The following SMARCAL1 variants were observed in gnomAD, a reference collection of about 807,000 sequenced individuals.
The protein encoded by SMARCAL1 is SNF2 related chromatin remodeling annealing helicase 1, also known as ATP-driven annealing helicase.
In SMARCAL1, 58 loss-of-function variants were observed where a neutral mutation model predicts 94.5. The ratio of observed to expected loss-of-function variants is 0.61; its 90% confidence interval spans 0.50 to 0.76. SMARCAL1 has a LOEUF of 0.76. Among genes scored for constraint, SMARCAL1 ranks in the 30% least tolerant of loss-of-function variants. The pLI, the probability that SMARCAL1 is intolerant of heterozygous loss-of-function variation, is 0.00. For synonymous variants in SMARCAL1, 422 were observed against 455.1 expected, an observed-to-expected ratio of 0.93 and a Z score of 0.93; for missense variants, 1,051 against 1,177.9, an observed-to-expected ratio of 0.89 and a Z score of 1.58.
At chr2:216,467,079 C>T (rs1385387110) in intron 13 of SMARCAL1, among the ~76,000 whole-genome samples, 2 of 152,178 alleles carry the variant, frequency 1.3e-5, no homozygotes, top group African/African-American at 4.8e-5. Context: ...CAGGGAGCTA[C>T]CAGGGGAGGG....
intron 10 of SMARCAL1, 73 bp from the exon 11 acceptor site, chr2:216,446,945 C>A (rs1694328531): frequency 6.3e-7 from 1 of 1,590,260 alleles, no homozygotes; most frequent in Admixed American, 1.7e-5. Flanking sequence ...GCTCCTCCCT[C>A]ACTGGGGCAT....
chr2:216,462,312 C>T (rs1422816096), intron 12 of SMARCAL1, among the ~76,000 whole-genome samples: 2 of 152,026 alleles, frequency 1.3e-5, no homozygotes, highest in Non-Finnish European at 2.9e-5. Context: ...CTGAAGGACA[C>T]GAGTAAAACT....
intron 14 of SMARCAL1, among the ~76,000 whole-genome samples, chr2:216,473,966 A>G (rs900656017): frequency 1.3e-5 from 2 of 152,128 alleles, no homozygotes; most frequent in Non-Finnish European, 2.9e-5. Context: ...ATGGATGGTG[A>G]AACTATGGTA....
At position 216,416,313 on chromosome 2, in the gene SMARCAL1, T is replaced by C. The variant is rs1357988684; in HGVS notation, c.862+6T>C. 1 of 1,611,280 alleles carries C rather than the reference T, an allele frequency of 6.2e-7. No homozygotes were observed. The highest frequency in any genetic ancestry group is 8.5e-7 in the Non-Finnish European group (1 of 1,177,642). On this transcript the variant is annotated splice_donor_region_variant and intron_variant, in intron 4 of 17. Coordinates refer to ENST00000357276, the MANE Select transcript of SMARCAL1 (RefSeq NM_014140.4). ...GAATGACTATAGTGCCCTGAGTAAGTAGACACATGGTTGTCTCATGGAGGG... is the reference window on the plus strand; with the variant it reads ...GAATGACTATAGTGCCCTGAGTAAGCAGACACATGGTTGTCTCATGGAGGG...
At position 216,482,873 on chromosome 2, in the gene SMARCAL1, A is replaced by T; in HGVS notation, c.2761A>T (p.Asn921Tyr). ...AGGAACATCTGGAAGTAGTTCCCAG[A>T]ACATGGGAGACACCCTGGATGAAAG... ...ASGTSGSSSQ[N>Y]MGDTLDESSL... Residue 921 changes from asparagine to tyrosine, a missense_variant, in exon 18 of 18, where the codon AAC becomes TAC. By Grantham distance (143) the Asn-to-Tyr change is moderately radical. Around this residue, in one of 3 missense-constraint regions of SMARCAL1, gnomAD observed 642 missense variants for 754.7 expected, o/e 0.85. Transcript: ENST00000357276. The surrounding 1 kb of genome is among the most constrained non-coding windows in gnomAD (Gnocchi z 4.3). The T allele has an allele frequency of 6.2e-7, 1 of 1,614,234 alleles. No individual in the cohort carries two copies. Among genetic ancestry groups the T allele is most frequent in the Non-Finnish European group, 8.5e-7 (1 of 1,180,042 alleles).
intron 3 of SMARCAL1, chr2:216,416,055 T>C: frequency 1.8e-6 from 1 of 543,500 alleles, no homozygotes; most frequent in African/African-American, 1.9e-5. Flanking sequence ...TCCCAGGGCC[T>C]GAGTTGGATT....
In SMARCAL1 at chr2:216,475,016, A is replaced by G. The variant is rs1695040240; in HGVS notation, c.2245-253A>G. Among the ~76,000 whole-genome samples, 1 of 152,250 alleles carries G rather than the reference A, an allele frequency of 6.6e-6. No homozygotes were observed. Among genetic ancestry groups the G allele is most frequent in the Non-Finnish European group, 1.5e-5 (1 of 68,040 alleles). ...AGCATCCTGGCTGTGGTATTATACT[A>G]TAGTTTTTATAGAATGTTACCACTG... On this transcript the variant is annotated intron_variant, in intron 14 of 17. Coordinates refer to ENST00000357276, the MANE Select transcript of SMARCAL1 (RefSeq NM_014140.4). This position sits in a 1 kb window ranked among gnomAD's most constrained non-coding sequence, Gnocchi z 4.4.
rs1693897262 is a variant in SMARCAL1 at position 216,428,796 on chromosome 2, C to T, written c.1334+14C>T. 1 of 1,603,190 alleles carries T rather than the reference C, an allele frequency of 6.2e-7. No individual in the cohort carries two copies. Among genetic ancestry groups the T allele is most frequent in the Non-Finnish European group, 8.5e-7 (1 of 1,170,188 alleles). ...AGCTGGAGTCAAGTAGGTTCTTGAT[C>T]TTCCTCTCTCTTCCTCTGTTGCTCA... is the stretch of plus-strand genomic sequence containing the variant. On this transcript the variant is annotated intron_variant, in intron 7 of 17. Coordinates refer to ENST00000357276, the MANE Select transcript of SMARCAL1 (RefSeq NM_014140.4).
intron 12 of SMARCAL1, among the ~76,000 whole-genome samples, chr2:216,460,145 C>T (rs1281935435): frequency 6.6e-6 from 1 of 152,182 alleles, no homozygotes; most frequent in African/African-American, 2.4e-5. Flanking sequence ...GATACCATCT[C>T]ACACCAGTTA....
At chr2:216,433,583 A>G (rs1375042063) in intron 8 of SMARCAL1, among the ~76,000 whole-genome samples, 2 of 152,018 alleles carry the variant, frequency 1.3e-5, no homozygotes, top group Non-Finnish European at 2.9e-5. Flanking sequence ...GGGGTTTTGC[A>G]CTCTGTAGAG....
rs766337862 is a variant in SMARCAL1 at position 216,475,260 on chromosome 2, T to C, written c.2245-9T>C. On this transcript the variant is annotated splice_polypyrimidine_tract_variant and intron_variant, in intron 14 of 17. Coordinates refer to ENST00000357276, the MANE Select transcript of SMARCAL1 (RefSeq NM_014140.4). This position sits in a 1 kb window ranked among gnomAD's most constrained non-coding sequence, Gnocchi z 4.4. ...TTGCCCACCTTGCTTCTGCCCCTTG[T>C]TCCTGCAGCACGTGCAGCACATCCG... 10 of 1,614,070 alleles carry C rather than the reference T, an allele frequency of 6.2e-6. No homozygotes were observed. Among genetic ancestry groups the C allele is most frequent in the Non-Finnish European group, 8.5e-6 (10 of 1,179,998 alleles).
intron 4 of SMARCAL1, among the ~76,000 whole-genome samples, chr2:216,418,310 A>T (rs975040111): frequency 1.3e-5 from 2 of 152,224 alleles, no homozygotes; most frequent in African/African-American, 4.8e-5. Context: ...AAGCTCATAG[A>T]AGAGAAAAAA....
In SMARCAL1 at chr2:216,483,020, G is replaced by A. The variant is rs945942226; in HGVS notation, c.*43G>A. On this transcript the variant is annotated 3_prime_UTR_variant, in exon 18 of 18. Coordinates refer to ENST00000357276, the MANE Select transcript of SMARCAL1 (RefSeq NM_014140.4). The stretch of plus-strand genomic sequence containing the variant: ...AAATAAAAAGCATTTTAAAATCATG[G>A]AATTGAAATAAAATAATGTATTTTG... The A allele has an allele frequency of 6.2e-7, 1 of 1,606,496 alleles. No individual in the cohort carries two copies. Among genetic ancestry groups the A allele is most frequent in the Non-Finnish European group, 8.5e-7 (1 of 1,176,336 alleles).
At chr2:216,446,339 T>C (rs1694314682) in intron 10 of SMARCAL1, among the ~76,000 whole-genome samples, 3 of 152,252 alleles carry the variant, frequency 2.0e-5, no homozygotes, top group African/African-American at 4.8e-5. Flanking sequence ...AAGGTTCTTA[T>C]TGTTAATAAC....
chr2:216,477,953 G>C (rs1234157893), intron 16 of SMARCAL1, among the ~76,000 whole-genome samples: 1 of 152,114 alleles, frequency 6.6e-6, no homozygotes. Flanking sequence ...AAATGAGGCA[G>C]CATTTATTTC....
chr2:216,415,942 G>C, intron 3 of SMARCAL1: 2 of 420,552 alleles, frequency 4.8e-6, no homozygotes, highest in South Asian at 4.3e-5. Context: ...ACAGGCCAGA[G>C]CCATTACTCC....
intron 13 of SMARCAL1, among the ~76,000 whole-genome samples, chr2:216,465,463 AT>A (rs200708140): frequency 0.015 from 2,216 of 150,784 alleles, 62 homozygotes; most frequent in African/African-American, 0.053. Flanking sequence ...ACTTACCTAA[AT>A]AAAAAGACAA....
intron 15 of SMARCAL1, 75 bp from the exon 16 acceptor site, chr2:216,477,034 G>A (rs1574485232): frequency 1.7e-6 from 2 of 1,192,910 alleles, no homozygotes; most frequent in East Asian, 2.5e-5. Context: ...ATGGGGTGGA[G>A]AGGAACCATA....
rs979191689 is a variant in SMARCAL1 at position 216,434,680 on chromosome 2, AAAAG to A, written c.1486-646_1486-643del. Among the ~76,000 whole-genome samples the A allele has an allele frequency of 7.2e-5, 11 of 151,876 alleles. No homozygotes were observed. The East Asian group carries it at 9.7e-4, about 13-fold the overall frequency. ...CTGAGACCCATCTCTTTGAAAAAAA[AAAAG>A]AAAGAAAGAAATTAGCCAAGTATGG... On this transcript the variant is annotated intron_variant, in intron 8 of 17. Coordinates refer to ENST00000357276, the MANE Select transcript of SMARCAL1 (RefSeq NM_014140.4).
Sources: gnomAD v4.1 joint callset for allele counts (sites outside exome capture counted in the v4.1 genomes callset) on GRCh38, gnomAD v4.1.1 for gene constraint, gnomAD v4.1.1 regional missense constraint, Gnocchi (gnomAD v3.1) non-coding constraint, MANE v1.5 for transcripts, NCBI Gene and HGNC (gene_info 2026-07-23, HGNC 2026-07-21) for gene names.